Variants in PDE4B observed in about 807,000 individuals in gnomAD.
PDE4B encodes the protein phosphodiesterase 4B, also known as 3',5'-cyclic-AMP phosphodiesterase 4B.
Under a neutral mutation model 82.2 loss-of-function variants are expected in PDE4B, and 20 were observed. The observed-to-expected ratio is 0.24, with a 90% confidence interval of 0.17 to 0.35. PDE4B has a LOEUF of 0.35. PDE4B is among the 10% of genes least tolerant of loss of function. PDE4B has a pLI of 1.00. For synonymous variants in PDE4B, 320 were observed against 318.9 expected (o/e 1.00, Z -0.04); for missense variants, 655 against 907.2 (o/e 0.72, Z 3.57).
Position 66,249,758 on chromosome 1 carries a change from A to G in PDE4B, c.476+2104A>G, listed in dbSNP as rs1257351038. On this transcript the variant is annotated intron_variant, in intron 4 of 16. Coordinates refer to ENST00000341517, the MANE Select transcript of PDE4B (RefSeq NM_002600.4). The stretch of plus-strand genomic sequence containing the variant: ...TAAAAATTATATATGTAAATTATTT[A>G]ATATCATTCTCACTTTTTAAAGATA... 2.1e-5 allele frequency among the ~76,000 whole-genome samples: 3 copies of G among 145,368 alleles called. No individual in the cohort carries two copies. In the East Asian group the frequency reaches 6.4e-4, roughly 31 times the overall value.
At chr1:66,242,977 T>C (rs922168572) in intron 3 of PDE4B, among the ~76,000 whole-genome samples, 4 of 152,286 alleles carry the variant, frequency 2.6e-5, no homozygotes, top group African/African-American at 4.8e-5. Context: ...CCTGCTCATA[T>C]TGAAAAATGA....
At position 66,289,981 on chromosome 1, in the gene PDE4B, G is replaced by C. The variant is rs139434403; in HGVS notation, c.634+23894G>C. 3.3e-3 allele frequency among the ~76,000 whole-genome samples: 501 copies of C among 152,260 alleles called. 1 individual carries two copies. The highest frequency in any genetic ancestry group is 0.011 in the African/African-American group (475 of 41,564). On this transcript the variant is annotated intron_variant, in intron 7 of 16. Coordinates refer to ENST00000341517, the MANE Select transcript of PDE4B (RefSeq NM_002600.4). ...GAAAAGATTCAAGAATGAAATCCAG[G>C]CTTCTGGCTTGAACCACTGAGTGAG...
chr1:66,247,105 T>C (rs1368341384), intron 3 of PDE4B, among the ~76,000 whole-genome samples: 2 of 152,190 alleles, frequency 1.3e-5, no homozygotes, highest in Non-Finnish European at 2.9e-5. Context: ...CTAAAGTTGC[T>C]TATTATCACC....
At chr1:66,047,907 A>T (rs1430147777) in intron 3 of PDE4B, among the ~76,000 whole-genome samples, 1 of 151,964 alleles carries the variant, frequency 6.6e-6, no homozygotes, top group Non-Finnish European at 1.5e-5. Context: ...TGTCTTGTTA[A>T]TACTGGTGAT....
At chr1:65,933,136 C>T (rs758861759) in intron 3 of PDE4B, among the ~76,000 whole-genome samples, 13 of 152,050 alleles carry the variant, frequency 8.5e-5, no homozygotes, top group South Asian at 4.2e-4. Context: ...CGGAAAGAAA[C>T]CTACACTGAG....
At chr1:66,128,439 T>C (rs2101100885) in intron 3 of PDE4B, among the ~76,000 whole-genome samples, 1 of 152,338 alleles carries the variant, frequency 6.6e-6, no homozygotes, top group Admixed American at 6.5e-5. Flanking sequence ...TTGGGGAGAA[T>C]GTGATTTTCC....
chr1:66,273,789 C>G (rs1196104020), intron 7 of PDE4B, among the ~76,000 whole-genome samples: 3 of 152,180 alleles, frequency 2.0e-5, no homozygotes, highest in Non-Finnish European at 2.9e-5. Flanking sequence ...ATGCCTGAAC[C>G]AGATAAGATT....
At chr1:66,067,180 T>A (rs1384764213) in intron 3 of PDE4B, among the ~76,000 whole-genome samples, 2 of 152,072 alleles carry the variant, frequency 1.3e-5, no homozygotes, top group Admixed American at 6.6e-5. Context: ...GTAGCATGAT[T>A]TATAATCCTT....
Position 66,157,381 on chromosome 1 carries a change from T to C in PDE4B, c.282-90079T>C, listed in dbSNP as rs541488271. ...TTTTGCAGTGCAGCCAAAGTGATAC[T>C]TTCAAATGATCCAGTGGTATTCCCT... is the stretch of plus-strand genomic sequence containing the variant. On this transcript the variant is annotated intron_variant, in intron 3 of 16. Coordinates refer to ENST00000341517, the MANE Select transcript of PDE4B (RefSeq NM_002600.4). 1.5e-4 allele frequency among the ~76,000 whole-genome samples: 23 copies of C among 152,348 alleles called. No individual in the cohort carries two copies. The South Asian group carries it at 4.6e-3, about 30-fold the overall frequency.
intron 1 of PDE4B, among the ~76,000 whole-genome samples, chr1:65,846,965 G>A (rs1441811180): frequency 6.6e-6 from 1 of 152,098 alleles, no homozygotes; most frequent in African/African-American, 2.4e-5. Context: ...GATTCAATGT[G>A]GGAAGAACTG....
intron 3 of PDE4B, among the ~76,000 whole-genome samples, chr1:66,059,789 A>T (rs1390946267): frequency 6.6e-6 from 1 of 152,176 alleles, no homozygotes; most frequent in Admixed American, 6.5e-5. Context: ...ATCATATCAC[A>T]TATATATTCA....
chr1:66,326,706 G>C (rs1341033012), intron 7 of PDE4B, among the ~76,000 whole-genome samples: 1 of 152,178 alleles, frequency 6.6e-6, no homozygotes, highest in African/African-American at 2.4e-5. Flanking sequence ...TGGGTGACTT[G>C]ACAGATAAGT....
chr1:65,884,207 G>C (rs936166171), intron 1 of PDE4B, among the ~76,000 whole-genome samples: 1 of 151,514 alleles, frequency 6.6e-6, no homozygotes, highest in African/African-American at 2.4e-5. Flanking sequence ...GTTTTCTATT[G>C]ATTGGAATAG....
chr1:66,032,653 A>AT (rs368856631), intron 3 of PDE4B, among the ~76,000 whole-genome samples: 1,197 of 110,410 alleles, frequency 0.011, 12 homozygotes, highest in African/African-American at 0.023. Flanking sequence ...CATTTATCTA[A>AT]TTTTTTTTTT....
At chr1:66,046,522 A>C (rs966877405) in intron 3 of PDE4B, among the ~76,000 whole-genome samples, 7 of 151,884 alleles carry the variant, frequency 4.6e-5, no homozygotes, top group African/African-American at 1.7e-4. Context: ...AGATGAAATC[A>C]GAATTCAAAG....
chr1:65,919,928 G>A (rs993875156), intron 3 of PDE4B, among the ~76,000 whole-genome samples: 2 of 152,160 alleles, frequency 1.3e-5, no homozygotes, highest in African/African-American at 4.8e-5. Flanking sequence ...CAGACAATCT[G>A]TGTGATAGAG....
At chr1:66,188,517 T>G (rs1043052181) in intron 3 of PDE4B, among the ~76,000 whole-genome samples, 52 of 151,764 alleles carry the variant, frequency 3.4e-4, no homozygotes, top group Middle Eastern at 3.2e-3. Context: ...ATCTGGGTGC[T>G]CCTGTATTGG....
intron 3 of PDE4B, among the ~76,000 whole-genome samples, chr1:66,175,980 A>G (rs79242549): frequency 0.063 from 9,560 of 152,286 alleles, 545 homozygotes; most frequent in Non-Finnish European, 0.09. Flanking sequence ...AAAAAGATTG[A>G]TAAAGGACAC....
At chr1:65,816,193 G>A (rs1426858285) in intron 1 of PDE4B, among the ~76,000 whole-genome samples, 1 of 64,192 alleles carries the variant, frequency 1.6e-5, no homozygotes, top group African/African-American at 4.6e-5. Context: ...TTAATGCAGT[G>A]TGTGTGTGTG....
Sources: allele counts gnomAD v4.1 joint callset (sites outside exome capture counted in the v4.1 genomes callset), GRCh38; gene constraint gnomAD v4.1.1; transcripts MANE v1.5; gene names NCBI Gene and HGNC (gene_info 2026-07-23, HGNC 2026-07-21).